Variants in PROS1 observed in about 807,000 individuals in gnomAD.
The protein encoded by PROS1 is protein S.
A neutral mutation model predicts 75.9 loss-of-function variants in PROS1; 29 were observed. That is an observed-to-expected ratio of 0.38 (90% CI 0.28 to 0.52). PROS1 has a LOEUF of 0.52. PROS1 is among the 20% of genes least tolerant of loss of function. The pLI, the probability that PROS1 is intolerant of heterozygous loss-of-function variation, is 0.83. For missense variants in PROS1, 680 were observed against 810.3 expected (o/e 0.84, Z 1.95); for synonymous variants, 245 against 280.6 (o/e 0.87, Z 1.27).
chr3:93,963,825 C>A (rs140903473), intron 1 of PROS1, among the ~76,000 whole-genome samples: 2,451 of 152,182 alleles, frequency 0.016, 60 homozygotes, highest in African/African-American at 0.053. Flanking sequence ...CCCCCATGAC[C>A]AAAACACCTC....
At chr3:93,888,272 G>A (rs1237153002) in intron 10 of PROS1, among the ~76,000 whole-genome samples, 1 of 152,136 alleles carries the variant, frequency 6.6e-6, no homozygotes. Flanking sequence ...AATGGTACTT[G>A]AGTTGCTAAT....
At position 93,873,082 on chromosome 3, in the gene PROS1, T is replaced by C. The variant is rs909464466; in HGVS notation, c.*1163A>G. 6.6e-6 allele frequency: 1 copy of C among 152,232 alleles called. No individual in the cohort carries two copies. The highest frequency in any genetic ancestry group is 1.5e-5 in the Non-Finnish European group (1 of 68,038). The allele number at this position is 152,232 out of a possible 1,614,324, so 9.4% of individuals were successfully genotyped here. On this transcript the variant is annotated 3_prime_UTR_variant, in exon 15 of 15. Transcript: ENST00000394236. ...ATGTAATTTTGTTTTATTCAAACAG[T>C]TGATATAATAAAGATATTCACATGC... is the stretch of plus-strand genomic sequence containing the variant.
intron 7 of PROS1, among the ~76,000 whole-genome samples, chr3:93,899,148 GTT>G (rs74466761): frequency 7.0e-6 from 1 of 142,550 alleles, no homozygotes; most frequent in African/African-American, 2.6e-5. Context: ...GGAAATATCT[GTT>G]TTTTTTTTTT....
intron 1 of PROS1, among the ~76,000 whole-genome samples, chr3:93,967,447 G>A (rs1433889607): frequency 2.0e-5 from 3 of 152,184 alleles, no homozygotes; most frequent in Admixed American, 6.5e-5. Flanking sequence ...TGGCCTTAGT[G>A]TATATCCTAA....
intron 1 of PROS1, among the ~76,000 whole-genome samples, chr3:93,956,312 G>A (rs1179103297): frequency 6.6e-6 from 1 of 151,980 alleles, no homozygotes; most frequent in Non-Finnish European, 1.5e-5. Flanking sequence ...ATTAAATTGT[G>A]TATTTTCAAA....
At chr3:93,958,035 C>G (rs1022053814) in intron 1 of PROS1, among the ~76,000 whole-genome samples, 1 of 151,900 alleles carries the variant, frequency 6.6e-6, no homozygotes, top group African/African-American at 2.4e-5. Flanking sequence ...TTGCAGTGAG[C>G]CGAGATCATG....
intron 3 of PROS1, among the ~76,000 whole-genome samples, chr3:93,913,354 T>C (rs8178619): frequency 0.018 from 2,702 of 152,300 alleles, 86 homozygotes; most frequent in African/African-American, 0.06. Flanking sequence ...GATACTGTGC[T>C]CATGGTAGTG....
chr3:93,913,095 CA>C (rs1313586463), intron 3 of PROS1, among the ~76,000 whole-genome samples: 2 of 152,122 alleles, frequency 1.3e-5, no homozygotes, highest in East Asian at 1.9e-4. Flanking sequence ...GTAATTGAAT[CA>C]GGGGGGCGAT....
At chr3:93,943,946 C>G (rs958640867) in intron 1 of PROS1, among the ~76,000 whole-genome samples, 2 of 152,172 alleles carry the variant, frequency 1.3e-5, no homozygotes, top group Admixed American at 1.3e-4. Flanking sequence ...TATAAAATGG[C>G]CCCACACCTA....
At chr3:93,910,819 A>G (rs1708749907) in intron 3 of PROS1, 114 bp from the exon 4 acceptor site, 1 of 861,172 alleles carries the variant, frequency 1.2e-6, no homozygotes, top group Non-Finnish European at 1.9e-6. Context: ...GATTCACAAG[A>G]TTCAGTCTTC....
chr3:93,933,786 A>T (rs1709141691), intron 1 of PROS1, among the ~76,000 whole-genome samples: 3 of 152,044 alleles, frequency 2.0e-5, no homozygotes, highest in South Asian at 4.1e-4. Flanking sequence ...TAGCCAGGAC[A>T]GATCACGAGG....
intron 3 of PROS1, among the ~76,000 whole-genome samples, chr3:93,918,520 C>T (rs890868128): frequency 1.3e-5 from 2 of 152,068 alleles, no homozygotes; most frequent in African/African-American, 4.8e-5. Flanking sequence ...GCCAGCGAGA[C>T]CACAAACCCA....
chr3:93,888,583 C>G lies in PROS1; in HGVS notation c.1156-2080G>C, dbSNP rs1371945509. On this transcript the variant is annotated intron_variant, in intron 10 of 14. Coordinates refer to ENST00000394236, the MANE Select transcript of PROS1 (RefSeq NM_000313.4). ...GTTTGGAACCACTGGTCAACACAAA[C>G]AGTTTCATGGCCTTAAAACCCCTCT... Among the ~76,000 whole-genome samples, 6 of 152,240 alleles carry G rather than the reference C, an allele frequency of 3.9e-5. No homozygotes were observed. In the South Asian group the frequency reaches 8.3e-4, roughly 21 times the overall value.
intron 11 of PROS1, among the ~76,000 whole-genome samples, chr3:93,885,659 G>A (rs751012718): frequency 3.3e-5 from 5 of 152,088 alleles, no homozygotes; most frequent in East Asian, 1.9e-4. Context: ...TGTAATAACC[G>A]TTTCATAAAT....
rs1709033990 is a variant in PROS1, at chr3:93,927,309, T to C, written c.175A>G (p.Ile59Val). ...TCTTCTTTATTGCACAGTTCTTCGA[T>C]GCATTCTCTTTCAAGATTACCCTGT... ...TKQGNLEREC[I>V]EELCNKEEAR... Residue 59 changes from isoleucine to valine, a missense_variant, in exon 2 of 15, where the codon ATC becomes GTC. Ile to Val is a conservative substitution (Grantham distance 29). Coordinates refer to ENST00000394236, the MANE Select transcript of PROS1 (RefSeq NM_000313.4). 3 of 1,613,604 alleles carry C rather than the reference T, an allele frequency of 1.9e-6. No individual in the cohort carries two copies. The highest frequency in any genetic ancestry group is 2.2e-5 in the East Asian group (1 of 44,844).
chr3:93,904,725 A>G (rs1708648407), intron 6 of PROS1, among the ~76,000 whole-genome samples: 1 of 152,102 alleles, frequency 6.6e-6, no homozygotes, highest in Non-Finnish European at 1.5e-5. Context: ...GGGAAATTTT[A>G]TTTTTAGTCA....
intron 6 of PROS1, among the ~76,000 whole-genome samples, chr3:93,903,421 TG>T (rs1196569930): frequency 6.6e-6 from 1 of 152,094 alleles, no homozygotes; most frequent in East Asian, 1.9e-4. Context: ...CCCACGACCT[TG>T]TGAGGTTGAA....
intron 3 of PROS1, among the ~76,000 whole-genome samples, chr3:93,921,159 C>G (rs145481295): frequency 2.0e-5 from 3 of 152,136 alleles, no homozygotes; most frequent in Non-Finnish European, 4.4e-5. Flanking sequence ...GCTGGGATTA[C>G]GGGCATAAGC....
intron 9 of PROS1, 106 bp downstream of exon 9, chr3:93,896,470 A>G: frequency 1.2e-6 from 1 of 839,194 alleles, no homozygotes. Flanking sequence ...TGACTACATT[A>G]TCTGATAGGT....
Sources: allele counts gnomAD v4.1 joint callset (sites outside exome capture counted in the v4.1 genomes callset), GRCh38; gene constraint gnomAD v4.1.1; transcripts MANE v1.5; gene names NCBI Gene and HGNC (gene_info 2026-07-23, HGNC 2026-07-21).